The following KCNQ3 variants were observed in gnomAD, a reference collection of about 807,000 sequenced individuals.
KCNQ3 encodes potassium voltage-gated channel subfamily KQT member 3.
Under a neutral mutation model 92.5 loss-of-function variants are expected in KCNQ3, and 30 were observed. The observed-to-expected ratio is 0.32, with a 90% CI of 0.24 to 0.44. The LOEUF (loss-of-function observed/expected upper bound fraction) is 0.44, where lower values mean the gene tolerates loss of function less well. KCNQ3 is among the 20% of genes least tolerant of loss of function. KCNQ3 has a pLI of 1.00. For synonymous variants in KCNQ3, 450 were observed against 468.8 expected (o/e 0.96, Z 0.52); for missense variants, 913 against 1,140.3 (o/e 0.80, Z 2.87).
At chr8:132,199,279 T>C (rs1210535985) in intron 1 of KCNQ3, among the ~76,000 whole-genome samples, 1 of 152,216 alleles carries the variant, frequency 6.6e-6, no homozygotes, top group East Asian at 1.9e-4. Flanking sequence ...TGTAAAGTCA[T>C]ATTGTATTAT....
chr8:132,331,002 G>GA (rs1818212024), intron 1 of KCNQ3, among the ~76,000 whole-genome samples: 1 of 152,206 alleles, frequency 6.6e-6, no homozygotes. Flanking sequence ...CCACGAACCT[G>GA]AATGTTCCCA....
intron 1 of KCNQ3, among the ~76,000 whole-genome samples, chr8:132,431,304 T>C (rs1041888178): frequency 3.3e-5 from 5 of 152,188 alleles, no homozygotes; most frequent in African/African-American, 1.2e-4. Context: ...AGAATCACAT[T>C]GTCCCACAGG....
rs557659440 is a variant in KCNQ3 at position 132,121,263 on chromosome 8, C to G, written c.*7999G>C. 1.3e-5 allele frequency: 2 copies of G among 152,216 alleles called. No homozygotes were observed. Among genetic ancestry groups the G allele is most frequent in the Non-Finnish European group, 2.9e-5 (2 of 68,008 alleles). 9.4% of individuals were successfully genotyped at this position (152,216 alleles called of 1,614,324 possible). ...CAAAGACTGGTGTTTTCCATCACTG[C>G]TACATTAGAAAAAGAAGGAAAAAAA... On this transcript the variant is annotated 3_prime_UTR_variant, in exon 15 of 15. Coordinates refer to ENST00000388996, the MANE Select transcript of KCNQ3 (RefSeq NM_004519.4).
intron 1 of KCNQ3, among the ~76,000 whole-genome samples, chr8:132,218,885 C>T (rs888905683): frequency 1.3e-5 from 2 of 152,170 alleles, no homozygotes; most frequent in African/African-American, 4.8e-5. Flanking sequence ...CCTCACTTCC[C>T]TTCTCTCCTT....
intron 1 of KCNQ3, among the ~76,000 whole-genome samples, chr8:132,470,381 T>C (rs1822270761): frequency 6.6e-6 from 1 of 152,266 alleles, no homozygotes; most frequent in East Asian, 1.9e-4. Flanking sequence ...TATATTCTCT[T>C]TACCTGGCTT....
chr8:132,274,272 G>A (rs1816254433), intron 1 of KCNQ3, among the ~76,000 whole-genome samples: 1 of 152,130 alleles, frequency 6.6e-6, no homozygotes, highest in Non-Finnish European at 1.5e-5. Flanking sequence ...ATGGCAGCAG[G>A]CAAAAAGAGA....
rs574473575 is a variant in KCNQ3, at chr8:132,228,392, T to A, written c.387-42211A>T. On this transcript the variant is annotated intron_variant, in intron 1 of 14. Coordinates refer to ENST00000388996, the MANE Select transcript of KCNQ3 (RefSeq NM_004519.4). ...TATTGAGAGAGAGAGAGAGAGAGAGTGTGTCCCTTCTATGTGTCTGGTTTA... is the reference window on the plus strand; with the variant it reads ...TATTGAGAGAGAGAGAGAGAGAGAGAGTGTCCCTTCTATGTGTCTGGTTTA... Among the ~76,000 whole-genome samples, 32 of 151,300 alleles carry A rather than the reference T, an allele frequency of 2.1e-4. No homozygotes were observed. In the South Asian group the frequency reaches 3.1e-3, roughly 15 times the overall value.
chr8:132,278,313 AAG>A, intron 1 of KCNQ3: 1 of 560,006 alleles, frequency 1.8e-6, no homozygotes, highest in Non-Finnish European at 2.3e-6. Context: ...AGGAAAAAAA[AAG>A]AAGAAAAATG....
intron 4 of KCNQ3, among the ~76,000 whole-genome samples, chr8:132,176,209 AT>A (rs1007305629): frequency 2.0e-5 from 3 of 152,208 alleles, no homozygotes; most frequent in Non-Finnish European, 2.9e-5. Context: ...AAAAGAAGGT[AT>A]CAAGCCTGTA....
At chr8:132,347,626 T>C (rs1390208935) in intron 1 of KCNQ3, among the ~76,000 whole-genome samples, 1 of 152,196 alleles carries the variant, frequency 6.6e-6, no homozygotes, top group Non-Finnish European at 1.5e-5. Flanking sequence ...GATCTTGTTT[T>C]AAATAACTAC....
chr8:132,339,132 G>T lies in KCNQ3; in HGVS notation c.386+141015C>A, dbSNP rs192866459. Among the ~76,000 whole-genome samples, 19 of 152,280 alleles carry T rather than the reference G, an allele frequency of 1.2e-4. No homozygotes were observed. The East Asian group carries it at 3.7e-3, about 29-fold the overall frequency. On this transcript the variant is annotated intron_variant, in intron 1 of 14. Transcript: ENST00000388996. ...CTACCATTAATCAGGCAGCTGTGTG[G>T]CCTCAGGTCAATCTATTCCCCTCTC...
At chr8:132,474,292 C>T (rs1319402644) in intron 1 of KCNQ3, among the ~76,000 whole-genome samples, 1 of 152,102 alleles carries the variant, frequency 6.6e-6, no homozygotes, top group Non-Finnish European at 1.5e-5. Context: ...TAAAAACCAC[C>T]CTGTGATAGG....
intron 1 of KCNQ3, among the ~76,000 whole-genome samples, chr8:132,253,237 G>A (rs912261698): frequency 6.6e-6 from 1 of 152,132 alleles, no homozygotes; most frequent in East Asian, 1.9e-4. Flanking sequence ...CAAAAGGCAA[G>A]GACAGAAAGA....
chr8:132,456,462 A>AGG (rs1388538741), intron 1 of KCNQ3, among the ~76,000 whole-genome samples: 247 of 54,610 alleles, frequency 4.5e-3, no homozygotes, highest in African/African-American at 0.012. Context: ...TCGGGGATTG[A>AGG]GGGTGTGTGT....
At chr8:132,430,910 GCATTGCTGTTCCTCA>G (rs1821232760) in intron 1 of KCNQ3, among the ~76,000 whole-genome samples, 1 of 152,138 alleles carries the variant, frequency 6.6e-6, no homozygotes, top group Admixed American at 6.5e-5. Flanking sequence ...GAGTCGCTCA[GCATTGCTGTTCCTCA>G]AGCGTCCATA....
chr8:132,377,470 G>T (rs1178524582), intron 1 of KCNQ3, among the ~76,000 whole-genome samples: 1 of 152,158 alleles, frequency 6.6e-6, no homozygotes, highest in African/African-American at 2.4e-5. Flanking sequence ...TTAAAGAGCA[G>T]GAACAAAGGA....
intron 1 of KCNQ3, among the ~76,000 whole-genome samples, chr8:132,228,955 T>C (rs939520943): frequency 1.3e-4 from 20 of 152,022 alleles, no homozygotes; most frequent in African/African-American, 4.6e-4. Context: ...CATTTGTGTA[T>C]CATAAAAATC....
chr8:132,157,304 T>C (rs1158521762), intron 9 of KCNQ3, among the ~76,000 whole-genome samples: 1 of 152,194 alleles, frequency 6.6e-6, no homozygotes, highest in Non-Finnish European at 1.5e-5. Flanking sequence ...AGGAGGACCA[T>C]CTTTTCCCTA....
intron 3 of KCNQ3, among the ~76,000 whole-genome samples, chr8:132,182,590 G>T (rs998113632): frequency 5.3e-5 from 8 of 152,218 alleles, no homozygotes; most frequent in African/African-American, 1.9e-4. Context: ...TGTCCAGCAG[G>T]GATCTGGGCT....
Sources: allele counts gnomAD v4.1 joint callset (sites outside exome capture counted in the v4.1 genomes callset), GRCh38; gene constraint gnomAD v4.1.1; transcripts MANE v1.5; gene names NCBI Gene and HGNC (gene_info 2026-07-23, HGNC 2026-07-21).